The following CTIF variants were observed in gnomAD, a reference collection of about 807,000 sequenced individuals.
CTIF encodes CBP80/20-dependent translation initiation factor.
In CTIF, 21 loss-of-function variants were observed where a neutral mutation model predicts 66.0. That is an observed-to-expected ratio of 0.32 (90% CI 0.23 to 0.46). The LOEUF (loss-of-function observed/expected upper bound fraction) is 0.46, where lower values mean the gene tolerates loss of function less well. CTIF is among the 20% of genes least tolerant of loss of function. CTIF has a pLI of 1.00. For synonymous variants in CTIF, 345 were observed against 326.4 expected (o/e 1.06, Z -0.62); for missense variants, 739 against 812.7 (o/e 0.91, Z 1.10).
intron 7 of CTIF, among the ~76,000 whole-genome samples, chr18:48,739,669 C>T (rs2092537737): frequency 1.3e-5 from 2 of 152,252 alleles, no homozygotes; most frequent in African/African-American, 2.4e-5. Flanking sequence ...AAAATGGCGG[C>T]CCGGCAGATT....
intron 6 of CTIF, 93 bp downstream of exon 6, chr18:48,670,837 G>A (rs1222089931): frequency 7.2e-6 from 8 of 1,106,694 alleles, no homozygotes; most frequent in Non-Finnish European, 9.6e-6. Context: ...CACTCCTTCT[G>A]GCTGCTTGTT....
At chr18:48,627,845 T>C (rs949447714) in intron 2 of CTIF, among the ~76,000 whole-genome samples, 19 of 151,936 alleles carry the variant, frequency 1.3e-4, no homozygotes, top group African/African-American at 4.4e-4. Context: ...TGAGGCCACC[T>C]GGGAAAGGGT....
At chr18:48,669,986 G>A (rs2091502746) in intron 5 of CTIF, among the ~76,000 whole-genome samples, 1 of 151,320 alleles carries the variant, frequency 6.6e-6, no homozygotes, top group Non-Finnish European at 1.5e-5. Flanking sequence ...TTTAACAAAT[G>A]AGGAAACTCA....
chr18:48,754,159 G>A (rs968255015), intron 7 of CTIF, among the ~76,000 whole-genome samples: 3 of 152,268 alleles, frequency 2.0e-5, no homozygotes, highest in East Asian at 1.9e-4. Flanking sequence ...TATCACCACC[G>A]AGGTCTCAGT....
intron 1 of CTIF, among the ~76,000 whole-genome samples, chr18:48,616,388 A>G (rs2090400850): frequency 6.6e-6 from 1 of 152,220 alleles, no homozygotes; most frequent in Non-Finnish European, 1.5e-5. Context: ...GGGAATAAGC[A>G]CATGCTCAGC....
chr18:48,685,516 C>T (rs2091825462), intron 6 of CTIF, among the ~76,000 whole-genome samples: 1 of 152,158 alleles, frequency 6.6e-6, no homozygotes, highest in Admixed American at 6.5e-5. Flanking sequence ...AGCCACCACT[C>T]TCGGCTGAGT....
intron 10 of CTIF, among the ~76,000 whole-genome samples, chr18:48,837,266 G>T (rs1223471395): frequency 6.6e-6 from 1 of 152,150 alleles, no homozygotes; most frequent in Non-Finnish European, 1.5e-5. Context: ...TAGAGCAAGG[G>T]AGCACTGGTG....
At chr18:48,750,519 C>T (rs1907696709) in intron 7 of CTIF, among the ~76,000 whole-genome samples, 1 of 152,262 alleles carries the variant, frequency 6.6e-6, no homozygotes, top group African/African-American at 2.4e-5. Flanking sequence ...ACCCGAAAAA[C>T]AATCCCCGAG....
At chr18:48,618,769 G>A (rs1425652968) in intron 1 of CTIF, among the ~76,000 whole-genome samples, 1 of 152,192 alleles carries the variant, frequency 6.6e-6, no homozygotes, top group African/African-American at 2.4e-5. Context: ...AGCCATAGCT[G>A]GTCATCTATG....
Position 48,857,559 on chromosome 18 carries a change from G to T in CTIF, c.1528-29G>T, listed in dbSNP as rs537624585. 114 of 1,597,236 alleles carry T rather than the reference G, an allele frequency of 7.1e-5. 1 individual carries two copies. In the South Asian group the frequency reaches 1.2e-3, roughly 17 times the overall value. On this transcript the variant is annotated intron_variant, in intron 10 of 11. Coordinates refer to ENST00000256413, the MANE Select transcript of CTIF (RefSeq NM_014772.3). ...CCCAGTAGCCGGCATGTCTCCTTCAGTGGTGCTCTCTGCCCCTCTCTTCCA... is the reference window on the plus strand; with the variant it reads ...CCCAGTAGCCGGCATGTCTCCTTCATTGGTGCTCTCTGCCCCTCTCTTCCA...
At chr18:48,623,873 A>ATGGC (rs72213221) in intron 2 of CTIF, among the ~76,000 whole-genome samples, 5 of 151,044 alleles carry the variant, frequency 3.3e-5, no homozygotes, top group Admixed American at 6.6e-5. Flanking sequence ...GGATGGATGG[A>ATGGC]TGGCTGGCTG....
chr18:48,590,736 C>A (rs984048914), intron 1 of CTIF, among the ~76,000 whole-genome samples: 4 of 152,248 alleles, frequency 2.6e-5, no homozygotes, highest in African/African-American at 7.2e-5. Context: ...AAAAAGCAGA[C>A]ATCCATTTCG....
chr18:48,824,013 C>CACACACACACACAG lies in CTIF; in HGVS notation c.1527+6638_1527+6639insCACACACACACAGA, dbSNP rs139376550. 8.3e-4 allele frequency among the ~76,000 whole-genome samples: 122 copies of CACACACACACACAG among 146,758 alleles called. 3 individuals carry two copies. The Middle Eastern group carries it at 0.014, about 17-fold the overall frequency. The stretch of plus-strand genomic sequence containing the variant: ...ACACACACACACACACACACACACA[C>CACACACACACACAG]AAACTGCTAGAACTAATAAATGAAT... On this transcript the variant is annotated intron_variant, in intron 10 of 11. Coordinates refer to ENST00000256413, the MANE Select transcript of CTIF (RefSeq NM_014772.3).
chr18:48,620,502 C>T (rs1013346054), intron 2 of CTIF, among the ~76,000 whole-genome samples: 2 of 152,232 alleles, frequency 1.3e-5, no homozygotes, highest in African/African-American at 4.8e-5. Flanking sequence ...TGGCTTCTAG[C>T]TGCCAGTGTG....
chr18:48,612,692 G>A (rs1359463341), intron 1 of CTIF, among the ~76,000 whole-genome samples: 1 of 152,228 alleles, frequency 6.6e-6, no homozygotes, highest in Non-Finnish European at 1.5e-5. Context: ...CAGCTCCGAT[G>A]CCACCTCCAC....
At chr18:48,674,521 G>A (rs2091593552) in intron 6 of CTIF, among the ~76,000 whole-genome samples, 1 of 152,232 alleles carries the variant, frequency 6.6e-6, no homozygotes, top group African/African-American at 2.4e-5. Flanking sequence ...TGCCTCCACT[G>A]GGGGTCAGAT....
chr18:48,855,977 G>A (rs1036208919), intron 10 of CTIF, among the ~76,000 whole-genome samples: 1 of 152,212 alleles, frequency 6.6e-6, no homozygotes, highest in Non-Finnish European at 1.5e-5. Context: ...TAGATGTGGG[G>A]TCCCTGAGAG....
At chr18:48,605,875 C>G (rs542426679) in intron 1 of CTIF, among the ~76,000 whole-genome samples, 1 of 152,374 alleles carries the variant, frequency 6.6e-6, no homozygotes, top group African/African-American at 2.4e-5. Context: ...AGCACGCACA[C>G]TAGAGTGGGT....
chr18:48,817,165 C>T (rs1014583920), intron 9 of CTIF, 56 bp from the exon 10 acceptor site: 86 of 1,560,684 alleles, frequency 5.5e-5, no homozygotes, highest in Non-Finnish European at 6.8e-5. Context: ...AGCAGGGTGG[C>T]ACCCAGGCCC....
Sources: gnomAD v4.1 joint callset for allele counts (sites outside exome capture counted in the v4.1 genomes callset) on GRCh38, gnomAD v4.1.1 for gene constraint, MANE v1.5 for transcripts, NCBI Gene and HGNC (gene_info 2026-07-23, HGNC 2026-07-21) for gene names.